HS3ST2: variants seen among roughly 807,000 people sequenced by gnomAD.
HS3ST2 encodes the protein heparan sulfate-glucosamine 3-sulfotransferase 2, also known as heparan sulfate glucosamine 3-O-sulfotransferase 2.
In HS3ST2, 17 loss-of-function variants were observed where a neutral mutation model predicts 26.3. The ratio of observed to expected loss-of-function variants is 0.65; its 90% CI spans 0.44 to 0.97. The LOEUF is 0.97. HS3ST2 is among the 50% of genes least tolerant of loss of function. The pLI, the probability that HS3ST2 is intolerant of heterozygous loss-of-function variation, is 0.00. For missense variants in HS3ST2, 402 were observed against 501.2 expected (o/e 0.80, Z 1.89); for synonymous variants, 237 against 219.2 (o/e 1.08, Z -0.72).
At position 22,854,120 on chromosome 16, in the gene HS3ST2, G is replaced by A. The variant is rs192633274; in HGVS notation, c.485+39025G>A. On this transcript the variant is annotated intron_variant, in intron 1 of 1. Coordinates refer to ENST00000261374, the MANE Select transcript of HS3ST2 (RefSeq NM_006043.2). The stretch of plus-strand genomic sequence containing the variant: ...CTTAAATATCTGAGAATATCTTCCC[G>A]TTGTTGTGCATAGGGGAATGGCAAC... Among the ~76,000 whole-genome samples the A allele has an allele frequency of 2.0e-4, 30 of 152,234 alleles. No individual in the cohort carries two copies. The East Asian group carries it at 3.9e-3, about 20-fold the overall frequency.
chr16:22,886,107 A>G (rs1348754010), intron 1 of HS3ST2, among the ~76,000 whole-genome samples: 2 of 152,158 alleles, frequency 1.3e-5, no homozygotes, highest in Non-Finnish European at 2.9e-5. Flanking sequence ...CTTTTCCCTC[A>G]AAACCCTCTC....
At chr16:22,843,055 ATGT>A (rs1901380863) in intron 1 of HS3ST2, among the ~76,000 whole-genome samples, 1 of 152,068 alleles carries the variant, frequency 6.6e-6, no homozygotes, top group Non-Finnish European at 1.5e-5. Flanking sequence ...TCTTTTTGAC[ATGT>A]TGTGTAGGGA....
intron 1 of HS3ST2, among the ~76,000 whole-genome samples, chr16:22,838,487 T>G (rs1174977916): frequency 2.6e-5 from 4 of 152,104 alleles, no homozygotes; most frequent in Non-Finnish European, 4.4e-5. Flanking sequence ...ACGGCCTCTT[T>G]GGCTGATTTG....
chr16:22,905,924 T>C (rs952444546), intron 1 of HS3ST2, among the ~76,000 whole-genome samples: 1 of 152,176 alleles, frequency 6.6e-6, no homozygotes, highest in South Asian at 2.1e-4. Context: ...AATTGGAATG[T>C]ACAGAAGAGG....
At chr16:22,850,862 G>A (rs572442850) in intron 1 of HS3ST2, among the ~76,000 whole-genome samples, 3 of 152,214 alleles carry the variant, frequency 2.0e-5, no homozygotes, top group South Asian at 2.1e-4. Flanking sequence ...TCATACAGCC[G>A]CAGTTCTGCA....
chr16:22,832,941 G>C lies in HS3ST2; in HGVS notation c.485+17846G>C, dbSNP rs534519647. On this transcript the variant is annotated intron_variant, in intron 1 of 1. Coordinates refer to ENST00000261374, the MANE Select transcript of HS3ST2 (RefSeq NM_006043.2). ...AACTCAGCAAGGACCAAACCTTCCT[G>C]ATGCATGCTGCCCAGTCAGAACACC... Among the ~76,000 whole-genome samples the C allele has an allele frequency of 6.6e-5, 10 of 151,898 alleles. No individual in the cohort carries two copies. The East Asian group carries it at 1.9e-3, about 29-fold the overall frequency.
intron 1 of HS3ST2, among the ~76,000 whole-genome samples, chr16:22,876,100 A>G (rs1901912302): frequency 6.6e-6 from 1 of 152,248 alleles, no homozygotes; most frequent in African/African-American, 2.4e-5. Context: ...ATGTCTGTAC[A>G]TAATATTGCA....
At chr16:22,881,610 G>A (rs1409232820) in intron 1 of HS3ST2, among the ~76,000 whole-genome samples, 1 of 152,198 alleles carries the variant, frequency 6.6e-6, no homozygotes, top group South Asian at 2.1e-4. Context: ...GTCAACATAA[G>A]GGAAGATGAC....
chr16:22,857,569 G>A, intron 1 of HS3ST2, among the ~76,000 whole-genome samples: 1 of 152,224 alleles, frequency 6.6e-6, no homozygotes, highest in East Asian at 1.9e-4. Flanking sequence ...ATGGAACAAA[G>A]TTTAACTTGC....
At chr16:22,903,261 A>T (rs1902304255) in intron 1 of HS3ST2, among the ~76,000 whole-genome samples, 1 of 152,204 alleles carries the variant, frequency 6.6e-6, no homozygotes. Flanking sequence ...TCAGTACAAA[A>T]ACTGGAATAG....
chr16:22,859,311 A>C (rs1901644382), intron 1 of HS3ST2, among the ~76,000 whole-genome samples: 1 of 152,224 alleles, frequency 6.6e-6, no homozygotes, highest in South Asian at 2.1e-4. Flanking sequence ...TCAAAGTACA[A>C]GTTATTTTTC....
intron 1 of HS3ST2, among the ~76,000 whole-genome samples, chr16:22,914,019 T>G (rs1596635478): frequency 1.3e-5 from 2 of 152,138 alleles, no homozygotes; most frequent in Admixed American, 6.5e-5. Context: ...GAGCCTGTAG[T>G]CCCGGCTTCT....
rs142500698 is a variant in HS3ST2, at chr16:22,874,196, TTCC to T, written c.486-40746_486-40744del. On this transcript the variant is annotated intron_variant, in intron 1 of 1. Transcript: ENST00000261374. ...GACCATAAGCCAAGCTAGAAAACTG[TTCC>T]TTCAACTTCTAGTTGTCAACTGAGC... is the stretch of plus-strand genomic sequence containing the variant. Among the ~76,000 whole-genome samples the T allele has an allele frequency of 5.6e-3, 853 of 152,330 alleles. 13 individuals carry two copies. The highest frequency in any genetic ancestry group is 0.031 in the East Asian group (159 of 5,184).
chr16:22,846,010 G>T (rs1327707758), intron 1 of HS3ST2, among the ~76,000 whole-genome samples: 1 of 152,176 alleles, frequency 6.6e-6, no homozygotes, highest in East Asian at 1.9e-4. Flanking sequence ...AGGTGCTGTG[G>T]CTTACGCCTG....
At chr16:22,824,644 T>C (rs1414304379) in intron 1 of HS3ST2, among the ~76,000 whole-genome samples, 1 of 152,124 alleles carries the variant, frequency 6.6e-6, no homozygotes. Context: ...GCAGTTTAAT[T>C]TCACTGGATC....
At chr16:22,851,727 T>G (rs1233241149) in intron 1 of HS3ST2, among the ~76,000 whole-genome samples, 1 of 152,192 alleles carries the variant, frequency 6.6e-6, no homozygotes, top group Non-Finnish European at 1.5e-5. Flanking sequence ...TTCAAGCCAA[T>G]TGTCGTGTTG....
intron 1 of HS3ST2, among the ~76,000 whole-genome samples, chr16:22,861,320 C>T (rs932754627): frequency 1.3e-5 from 2 of 151,902 alleles, no homozygotes; most frequent in Non-Finnish European, 2.9e-5. Flanking sequence ...TTTGTCTCTG[C>T]TTGTGGCCTG....
intron 1 of HS3ST2, among the ~76,000 whole-genome samples, chr16:22,820,240 C>A (rs981758982): frequency 1.3e-5 from 2 of 152,128 alleles, no homozygotes; most frequent in South Asian, 2.1e-4. Context: ...TTAGTGCCAG[C>A]AAATGTACAG....
At chr16:22,851,084 C>T (rs1050217644) in intron 1 of HS3ST2, among the ~76,000 whole-genome samples, 1 of 152,130 alleles carries the variant, frequency 6.6e-6, no homozygotes, top group African/African-American at 2.4e-5. Context: ...CAAGGGCAAG[C>T]GTTTCCAGAG....
Sources: gnomAD v4.1 joint callset for allele counts (sites outside exome capture counted in the v4.1 genomes callset) on GRCh38, gnomAD v4.1.1 for gene constraint, MANE v1.5 for transcripts, NCBI Gene and HGNC (gene_info 2026-07-23, HGNC 2026-07-21) for gene names.